IL17RA: variants seen among roughly 807,000 people sequenced by gnomAD.
IL17RA encodes interleukin 17 receptor A.
In IL17RA, 34 loss-of-function variants were observed where a neutral mutation model predicts 50.4. The observed-to-expected ratio is 0.67, with a 90% CI of 0.51 to 0.90. The LOEUF (loss-of-function observed/expected upper bound fraction) is 0.90. Among genes scored for constraint, IL17RA ranks in the 40% least tolerant of loss-of-function variants. The pLI is 0.00. For missense variants in IL17RA, 1,276 were observed against 1,169.8 expected, an observed-to-expected ratio of 1.09 and a Z score of -1.32; for synonymous variants, 585 against 510.4, an observed-to-expected ratio of 1.15 and a Z score of -1.97.
chr22:17,099,862 G>T (rs1173705758), intron 4 of IL17RA, among the ~76,000 whole-genome samples: 2 of 152,166 alleles, frequency 1.3e-5, no homozygotes, highest in Admixed American at 1.3e-4. Context: ...CTGGCCCAGG[G>T]TGAGTGGGGG....
intron 2 of IL17RA, 165 bp from the exon 3 acceptor site, chr22:17,097,632 G>A (rs1218764880): frequency 4.2e-6 from 3 of 708,520 alleles, no homozygotes; most frequent in East Asian, 5.4e-5. Context: ...GTAAACATTA[G>A]AGAAGAGGGA....
intron 1 of IL17RA, among the ~76,000 whole-genome samples, chr22:17,087,229 A>G (rs529613958): frequency 6.6e-6 from 1 of 152,330 alleles, no homozygotes; most frequent in African/African-American, 2.4e-5. Flanking sequence ...GAGGGGAGGG[A>G]AGGCCACAGA....
In IL17RA at chr22:17,109,335, C is replaced by T; in HGVS notation, c.2116C>T (p.Leu706=). 1 of 1,568,634 alleles carries T rather than the reference C, an allele frequency of 6.4e-7. No homozygotes were observed. Among genetic ancestry groups the T allele is most frequent in the Non-Finnish European group, 8.6e-7 (1 of 1,160,874 alleles). ...GGGGGAGGGCGAGGCCTGCCCGCTGCTGGGCAGCCCGGGCGCTGGGCGAAA... is the reference window on the plus strand; with the variant it reads ...GGGGGAGGGCGAGGCCTGCCCGCTGTTGGGCAGCCCGGGCGCTGGGCGAAA... The part of the protein sequence containing the change: ...LAGEGEACPL[L]GSPGAGRNSV... Residue 706 remains leucine (L), a synonymous_variant, in exon 13 of 13, where the codon CTG becomes TTG. Transcript: ENST00000319363.
rs2061434218 is a variant in IL17RA, at chr22:17,110,015, C to T, written c.*195C>T. ...GTGCAGCGGTCTGGTTATCGTCTATCCCCAGGGGAATCCACACAGCCCGCT... is the reference window on the plus strand; with the variant it reads ...GTGCAGCGGTCTGGTTATCGTCTATTCCCAGGGGAATCCACACAGCCCGCT... On this transcript the variant is annotated 3_prime_UTR_variant, in exon 13 of 13. Transcript: ENST00000319363. 6.4e-6 allele frequency: 4 copies of T among 626,324 alleles called. No homozygotes were observed. The highest frequency in any genetic ancestry group is 2.0e-5 in the South Asian group (1 of 50,910). 38.8% of individuals were successfully genotyped at this position (626,324 alleles called of 1,614,324 possible). A position where few individuals can be genotyped will look rare whatever the true frequency, so the allele number is the denominator to read the frequency against.
At chr22:17,103,442 A>G in intron 7 of IL17RA, 52 bp from the exon 8 acceptor site, 2 of 1,493,216 alleles carry the variant, frequency 1.3e-6, no homozygotes, top group Non-Finnish European at 1.9e-6. Flanking sequence ...TTCTTACCCA[A>G]CTAGCCTTAC....
At position 17,112,521 on chromosome 22, in the gene IL17RA, AAGG is replaced by A. The variant is rs1167671878; in HGVS notation, c.*2704_*2706del. On this transcript the variant is annotated 3_prime_UTR_variant, in exon 13 of 13. Transcript: ENST00000319363. ...GCCTCTTCTGGACATGACATAGAGA[AAGG>A]AGTCATAAATTCTCCAAGGTGTCTG... 1 of 152,082 alleles carries A rather than the reference AAGG, an allele frequency of 6.6e-6. No homozygotes were observed. Among genetic ancestry groups the A allele is most frequent in the African/African-American group, 2.4e-5 (1 of 41,376 alleles). The allele number at this position is 152,082 out of a possible 1,614,324, so 9.4% of individuals were successfully genotyped here.
intron 8 of IL17RA, 144 bp from the exon 9 acceptor site, chr22:17,104,582 C>T (rs566234483): frequency 1.3e-5 from 10 of 761,254 alleles, no homozygotes; most frequent in East Asian, 5.4e-5. Flanking sequence ...TTCGCTGACC[C>T]GCCCTTGCTG....
At chr22:17,088,576 C>G (rs565410519) in intron 1 of IL17RA, among the ~76,000 whole-genome samples, 1 of 152,150 alleles carries the variant, frequency 6.6e-6, no homozygotes, top group Admixed American at 6.5e-5. Context: ...ACATCCACCT[C>G]CCAGGTTTGA....
intron 2 of IL17RA, chr22:17,097,338 GC>G (rs958743216): frequency 1.3e-4 from 73 of 570,224 alleles, no homozygotes; most frequent in African/African-American, 1.2e-3. Context: ...CTGGGGAGCT[GC>G]CCTACTGTAT....
chr22:17,107,649 A>T (rs576967948), intron 11 of IL17RA, 78 bp from the exon 12 acceptor site: 1 of 1,261,218 alleles, frequency 7.9e-7, no homozygotes, highest in East Asian at 2.3e-5. Context: ...TTTGTCAGGG[A>T]TGGGGCAGAC....
At chr22:17,088,653 A>C (rs1387579041) in intron 1 of IL17RA, among the ~76,000 whole-genome samples, 1 of 151,238 alleles carries the variant, frequency 6.6e-6, no homozygotes, top group Non-Finnish European at 1.5e-5. Flanking sequence ...TGCCCAGCTA[A>C]TTTTTGTTAT....
chr22:17,094,716 T>TATATATATTC (rs1178787318), intron 1 of IL17RA, among the ~76,000 whole-genome samples: 29 of 118,534 alleles, frequency 2.4e-4, no homozygotes, highest in Middle Eastern at 3.9e-3. Context: ...TATATATATA[T>TATATATATTC]ATTCAGGGAG....
At chr22:17,104,637 G>A in intron 8 of IL17RA, 89 bp from the exon 9 acceptor site, 1 of 1,191,004 alleles carries the variant, frequency 8.4e-7, no homozygotes, top group Non-Finnish European at 1.2e-6. Context: ...AGCCAGCCAG[G>A]ATCCCCTCCT....
At position 17,097,877 on chromosome 22, in the gene IL17RA, T is replaced by A; in HGVS notation, c.244T>A (p.Phe82Ile). The stretch of plus-strand genomic sequence containing the variant: ...AAAGGACCTGCAGATCCAGCTGCAC[T>A]TTGCCCACACCCAACAAGGAGACCT... ...SPKDLQIQLH[F>I]AHTQQGDLFP... The change falls in exon 3 of 13, where the codon TTT becomes ATT. Residue 82 changes from phenylalanine to isoleucine, a missense_variant. Physicochemically the swap from Phe to Ile is conservative, Grantham distance 21. Coordinates refer to ENST00000319363, the MANE Select transcript of IL17RA (RefSeq NM_014339.7). 1 of 1,614,210 alleles carries A rather than the reference T, an allele frequency of 6.2e-7. No individual in the cohort carries two copies. The highest frequency in any genetic ancestry group is 1.1e-5 in the South Asian group (1 of 91,086).
chr22:17,098,498 T>C (rs2061377046), intron 3 of IL17RA, among the ~76,000 whole-genome samples: 1 of 152,184 alleles, frequency 6.6e-6, no homozygotes, highest in South Asian at 2.1e-4. Flanking sequence ...TTGACACCCA[T>C]GCCAGATTGT....
In IL17RA at chr22:17,109,259, G is replaced by A; in HGVS notation, c.2040G>A (p.Ala680=). The A allele has an allele frequency of 1.3e-6, 2 of 1,498,182 alleles. No homozygotes were observed. 92.8% of individuals were successfully genotyped at this position (1,498,182 alleles called of 1,614,324 possible). Reference sequence around the variant, plus strand: ...CAGAGGAGGGGGCCCTGGTGGCCGCGGTGGAGCCTGGGCCCCTGGCTGACG... The same window carrying A: ...CAGAGGAGGGGGCCCTGGTGGCCGCAGTGGAGCCTGGGCCCCTGGCTGACG... ...LAAEEGALVA[A]VEPGPLADGA... The change falls in exon 13 of 13, where the codon GCG becomes GCA. Residue 680 remains alanine (A), a synonymous_variant. Transcript: ENST00000319363.
rs2061449772 is a variant in IL17RA, at chr22:17,112,966, T to A, written c.*3146T>A. The A allele has an allele frequency of 6.7e-6, 1 of 150,058 alleles. No homozygotes were observed. Among genetic ancestry groups the A allele is most frequent in the African/African-American group, 2.5e-5 (1 of 40,776 alleles). 9.3% of individuals were successfully genotyped at this position (150,058 alleles called of 1,614,324 possible). A position where few individuals can be genotyped will look rare whatever the true frequency, so the allele number is the denominator to read the frequency against. On this transcript the variant is annotated 3_prime_UTR_variant, in exon 13 of 13. Transcript: ENST00000319363. ...TCCCGCGTAGAGTTTCATGACTTTT[T>A]CCTGCCTACTATCTTGATCCTAGTT...
intron 10 of IL17RA, 117 bp downstream of exon 10, chr22:17,105,719 G>GGC (rs201611352): frequency 7.3e-7 from 1 of 1,367,630 alleles, no homozygotes; most frequent in African/African-American, 1.5e-5. Flanking sequence ...CCAGCCCGGG[G>GGC]TGGGGGGTGA....
In IL17RA at chr22:17,109,898, G is replaced by GCAGACA; in HGVS notation, c.*78_*79insCAGACA. ...TGCACGTATTCATCTGTGTGTACAT[G>GCAGACA]TCTGCATGTGTATATGTTCGTGTGT... On this transcript the variant is annotated 3_prime_UTR_variant, in exon 13 of 13. Coordinates refer to ENST00000319363, the MANE Select transcript of IL17RA (RefSeq NM_014339.7). 4 of 1,273,980 alleles carry GCAGACA rather than the reference G, an allele frequency of 3.1e-6. No homozygotes were observed. The highest frequency in any genetic ancestry group is 1.3e-5 in the South Asian group (1 of 76,200). 78.9% of individuals were successfully genotyped at this position (1,273,980 alleles called of 1,614,324 possible).
Sources: gnomAD v4.1 joint callset for allele counts (sites outside exome capture counted in the v4.1 genomes callset) on GRCh38, gnomAD v4.1.1 for gene constraint, MANE v1.5 for transcripts, NCBI Gene and HGNC (gene_info 2026-07-23, HGNC 2026-07-21) for gene names.